AHI1: variants seen among roughly 807,000 people sequenced by gnomAD.
AHI1 encodes Abelson helper integration site 1, also known as jouberin.
A neutral mutation model predicts 149.3 loss-of-function variants in AHI1; 123 were observed. The ratio of observed to expected loss-of-function variants is 0.82; its 90% CI spans 0.71 to 0.96. AHI1 has a LOEUF of 0.96. Among genes scored for constraint, AHI1 ranks in the 40% least tolerant of loss-of-function variants. The pLI is 0.00. For missense variants in AHI1, 1,439 were observed against 1,422.7 expected (o/e 1.01, Z -0.18); for synonymous variants, 475 against 459.8 (o/e 1.03, Z -0.42).
intron 23 of AHI1, among the ~76,000 whole-genome samples, chr6:135,385,566 T>C (rs1445566684): frequency 6.6e-6 from 1 of 152,294 alleles, no homozygotes; most frequent in South Asian, 2.1e-4. Context: ...AACAAATTCA[T>C]AGAAGACGGA....
At chr6:135,321,332 G>A (rs1786793736) in intron 25 of AHI1, among the ~76,000 whole-genome samples, 2 of 152,204 alleles carry the variant, frequency 1.3e-5, no homozygotes, top group Admixed American at 6.5e-5. Context: ...AACTAAAACA[G>A]CTACACAGAA....
rs148922745 is a variant in AHI1 at position 135,316,731 on chromosome 6, C to A, written c.3426+1788G>T. ...TTCTGGGCTCTGCCTTCATTACAAG[C>A]TTCCACTTACTGATATAATAGAACT... On this transcript the variant is annotated intron_variant, in intron 26 of 28. Transcript: ENST00000265602. 3.5e-3 allele frequency among the ~76,000 whole-genome samples: 537 copies of A among 152,178 alleles called. 5 individuals are homozygous for A. Among genetic ancestry groups the A allele is most frequent in the African/African-American group, 0.012 (504 of 41,526 alleles).
intron 17 of AHI1, 39 bp downstream of exon 17, chr6:135,431,169 C>A (rs1208003869): frequency 7.3e-7 from 1 of 1,371,474 alleles, no homozygotes; most frequent in Non-Finnish European, 1.0e-6. Flanking sequence ...TTTCCAACTT[C>A]TTTAATTAAA....
Position 135,325,000 on chromosome 6 carries a change from G to A in AHI1, c.3166-1676C>T, listed in dbSNP as rs146265572. ...ATCTAATTTACAACATGCGATGCAG[G>A]GTGTTATTTAAGGTTTACAAATTAC... On this transcript the variant is annotated intron_variant, in intron 24 of 28. Transcript: ENST00000265602. Among the ~76,000 whole-genome samples the A allele has an allele frequency of 2.2e-4, 33 of 151,110 alleles. No homozygotes were observed. The East Asian group carries it at 5.6e-3, about 26-fold the overall frequency.
chr6:135,420,114 A>C (rs1319957664), intron 20 of AHI1, among the ~76,000 whole-genome samples: 1 of 152,116 alleles, frequency 6.6e-6, no homozygotes, highest in East Asian at 1.9e-4. Flanking sequence ...ATCTGCAGTC[A>C]CTTCCTTCAT....
chr6:135,292,652 G>A (rs1320956576), intron 27 of AHI1, among the ~76,000 whole-genome samples: 1 of 152,126 alleles, frequency 6.6e-6, no homozygotes, highest in Non-Finnish European at 1.5e-5. Flanking sequence ...CACTAGCAAT[G>A]AACAGAACTG....
rs1043115261 is a variant in AHI1, at chr6:135,290,629, G to C, written c.3486-104C>G. ...GGCCGTGGCAGTGGAAACAAAAATG[G>C]GGATAAATGTGAGGATATGACAGAG... On this transcript the variant is annotated intron_variant, in intron 27 of 28. Coordinates refer to ENST00000265602, the MANE Select transcript of AHI1 (RefSeq NM_001134831.2). 3 of 1,086,264 alleles carry C rather than the reference G, an allele frequency of 2.8e-6. No homozygotes were observed. In the African/African-American group the frequency reaches 4.7e-5, roughly 17 times the overall value. The allele number at this position is 1,086,264 out of a possible 1,614,324, so 67.3% of individuals were successfully genotyped here.
At chr6:135,387,930 A>G (rs1777839057) in intron 23 of AHI1, 1 of 1,610,838 alleles carries the variant, frequency 6.2e-7, no homozygotes, top group East Asian at 2.2e-5. Context: ...ACAGTTAGGA[A>G]GTGGTGGGAT....
At chr6:135,400,006 TCCAGTCC>T (rs1163314261) in intron 22 of AHI1, among the ~76,000 whole-genome samples, 9 of 152,056 alleles carry the variant, frequency 5.9e-5, no homozygotes, top group African/African-American at 2.2e-4. Context: ...GGGTATTAAG[TCCAGTCC>T]CCAATAGTTA....
At chr6:135,453,260 A>G (rs1451317073) in intron 11 of AHI1, 81 bp downstream of exon 11, 1 of 1,083,570 alleles carries the variant, frequency 9.2e-7, no homozygotes, top group Non-Finnish European at 1.4e-6. Flanking sequence ...TCCTTATATG[A>G]GACCAAACTG....
chr6:135,451,885 T>C (rs1788164234), intron 11 of AHI1, among the ~76,000 whole-genome samples: 1 of 151,972 alleles, frequency 6.6e-6, no homozygotes, highest in South Asian at 2.1e-4. Context: ...TAAATCAGTA[T>C]GGAAGGTGTT....
chr6:135,363,206 T>A (rs941841313), intron 23 of AHI1, among the ~76,000 whole-genome samples: 2 of 150,802 alleles, frequency 1.3e-5, no homozygotes, highest in African/African-American at 2.4e-5. Flanking sequence ...CCTTCCGCAG[T>A]GTTTGTGTCC....
chr6:135,321,795 T>C (rs1021576268), intron 25 of AHI1, among the ~76,000 whole-genome samples: 8 of 152,202 alleles, frequency 5.3e-5, no homozygotes, highest in African/African-American at 7.2e-5. Context: ...AGGCTGCCTA[T>C]ACTACAACTT....
rs566928992 is a variant in AHI1, at chr6:135,308,338, C to T, written c.3427-7780G>A. 3.9e-5 allele frequency among the ~76,000 whole-genome samples: 6 copies of T among 152,204 alleles called. No individual in the cohort carries two copies. In the South Asian group the frequency reaches 1.2e-3, roughly 32 times the overall value. Reference sequence around the variant, plus strand: ...GCAGCCTCATCCTCTCAGGCTGAAGCGATCCTCCCACCTCAGCCTCCCAAG... The same window carrying T: ...GCAGCCTCATCCTCTCAGGCTGAAGTGATCCTCCCACCTCAGCCTCCCAAG... On this transcript the variant is annotated intron_variant, in intron 26 of 28. Transcript: ENST00000265602.
At chr6:135,447,967 C>T (rs1473400620) in intron 12 of AHI1, among the ~76,000 whole-genome samples, 1 of 152,206 alleles carries the variant, frequency 6.6e-6, no homozygotes, top group Non-Finnish European at 1.5e-5. Flanking sequence ...ACTGAAACTA[C>T]AGGGCCAAAG....
intron 22 of AHI1, among the ~76,000 whole-genome samples, chr6:135,395,944 A>T (rs1188230765): frequency 6.6e-6 from 1 of 151,856 alleles, no homozygotes; most frequent in Non-Finnish European, 1.5e-5. Flanking sequence ...TCTGTATAAG[A>T]CAATACTGGG....
chr6:135,287,819 G>A (rs1473036070), intron 28 of AHI1, among the ~76,000 whole-genome samples: 6 of 150,764 alleles, frequency 4.0e-5, no homozygotes, highest in African/African-American at 1.5e-4. Flanking sequence ...GGCCGTGGCC[G>A]GGCATGGTGG....
At chr6:135,312,527 C>CA (rs1235331522) in intron 26 of AHI1, among the ~76,000 whole-genome samples, 42 of 151,526 alleles carry the variant, frequency 2.8e-4, no homozygotes, top group African/African-American at 5.3e-4. Context: ...ACAACAACAA[C>CA]AAAAAAAACC....
At chr6:135,365,451 T>C (rs76068055) in intron 23 of AHI1, among the ~76,000 whole-genome samples, 1 of 152,216 alleles carries the variant, frequency 6.6e-6, no homozygotes, top group African/African-American at 2.4e-5. Context: ...TGGGATGTGT[T>C]TCCATCTTTT....
Sources: allele counts gnomAD v4.1 joint callset (sites outside exome capture counted in the v4.1 genomes callset), GRCh38; gene constraint gnomAD v4.1.1; transcripts MANE v1.5; gene names NCBI Gene and HGNC (gene_info 2026-07-23, HGNC 2026-07-21).